LOC128706666: variants seen among roughly 807,000 people sequenced by gnomAD.
the LOC128706666 span, among the ~76,000 whole-genome samples, chr20:10,423,123 A>G: frequency 1.3e-5 from 2 of 151,834 alleles, no homozygotes; most frequent in South Asian, 2.1e-4. Flanking sequence ...AAACTCAAGG[A>G]AAAAAAACCC....
At chr20:10,413,737 A>T in the LOC128706666 span, 1 of 602,644 alleles carries the variant, frequency 1.7e-6, no homozygotes, top group Non-Finnish European at 2.9e-6. Flanking sequence ...ATTTTACTTC[A>T]CTCTTCAATA....
At chr20:10,428,475 G>A in the LOC128706666 span, among the ~76,000 whole-genome samples, 2 of 152,182 alleles carry the variant, frequency 1.3e-5, no homozygotes, top group East Asian at 1.9e-4. Flanking sequence ...TTGGCCAGAG[G>A]ACATTATAGC....
chr20:10,416,592 T>C, the LOC128706666 span, among the ~76,000 whole-genome samples: 1 of 152,184 alleles, frequency 6.6e-6, no homozygotes, highest in Non-Finnish European at 1.5e-5. Flanking sequence ...CTCATTATTA[T>C]AAAAACCAAT....
chr20:10,423,130 A>C, the LOC128706666 span, among the ~76,000 whole-genome samples: 2 of 152,082 alleles, frequency 1.3e-5, no homozygotes, highest in African/African-American at 2.4e-5. Context: ...AGGAAAAAAA[A>C]CCCTAGCTTA....
the LOC128706666 span, among the ~76,000 whole-genome samples, chr20:10,432,992 T>C: frequency 6.6e-6 from 1 of 152,170 alleles, no homozygotes; most frequent in Non-Finnish European, 1.5e-5. Flanking sequence ...AACCATCTTT[T>C]TTCCCCCAGA....
At chr20:10,432,150 A>G in the LOC128706666 span, among the ~76,000 whole-genome samples, 1 of 152,226 alleles carries the variant, frequency 6.6e-6, no homozygotes, top group Non-Finnish European at 1.5e-5. Context: ...CGACAGATCA[A>G]TCAAGGGGTA....
the LOC128706666 span, chr20:10,413,921 T>C: frequency 1.7e-5 from 7 of 414,534 alleles, no homozygotes; most frequent in Non-Finnish European, 2.6e-5. Flanking sequence ...GATTCAAAGC[T>C]GCTTCTTTAC....
the LOC128706666 span, among the ~76,000 whole-genome samples, chr20:10,429,432 C>T: frequency 0.48 from 72,765 of 152,002 alleles, 18,289 homozygotes; most frequent in Non-Finnish European, 0.56. Context: ...TGCATCCACT[C>T]TGGCTCTCAC....
the LOC128706666 span, among the ~76,000 whole-genome samples, chr20:10,427,029 G>GACACACACACACACACACACACACAC: frequency 2.8e-4 from 36 of 130,784 alleles, no homozygotes; most frequent in South Asian, 5.3e-4. Context: ...AGAAAACACT[G>GACACACACACACACACACACACACAC]ACACACACAC....
At chr20:10,414,234 C>G in the LOC128706666 span, among the ~76,000 whole-genome samples, 2 of 149,732 alleles carry the variant, frequency 1.3e-5, no homozygotes, top group African/African-American at 4.9e-5. Context: ...AGAAATGCTA[C>G]GATATAAAAC....
chr20:10,429,659 C>G, the LOC128706666 span, among the ~76,000 whole-genome samples: 51 of 152,198 alleles, frequency 3.4e-4, no homozygotes, highest in African/African-American at 1.2e-3. Flanking sequence ...CTGCCCTTTT[C>G]CTCATGCTCC....
chr20:10,421,963 A>G, the LOC128706666 span, among the ~76,000 whole-genome samples: 1 of 152,052 alleles, frequency 6.6e-6, no homozygotes, highest in African/African-American at 2.4e-5. Flanking sequence ...TGCATCTCTG[A>G]GTTTTAGTAC....
chr20:10,414,284 A>C, the LOC128706666 span, among the ~76,000 whole-genome samples: 1 of 97,960 alleles, frequency 1.0e-5, no homozygotes, highest in African/African-American at 4.7e-5. Context: ...TTTTTTTTTG[A>C]GATGGAGTTT....
chr20:10,433,819 G>T, the LOC128706666 span, among the ~76,000 whole-genome samples: 1 of 152,182 alleles, frequency 6.6e-6, no homozygotes, highest in African/African-American at 2.4e-5. Flanking sequence ...GGCAGCGCAG[G>T]TGGGAGCGTG....
the LOC128706666 span, among the ~76,000 whole-genome samples, chr20:10,428,929 CTG>C: frequency 1.3e-5 from 2 of 152,202 alleles, no homozygotes; most frequent in Non-Finnish European, 2.9e-5. Context: ...CCACTTTCTA[CTG>C]TGTCTTTGGG....
At chr20:10,429,903 G>T in the LOC128706666 span, among the ~76,000 whole-genome samples, 3 of 152,172 alleles carry the variant, frequency 2.0e-5, no homozygotes, top group Non-Finnish European at 2.9e-5. Flanking sequence ...AAACTCTAGG[G>T]TGGGGTCCAG....
the LOC128706666 span, among the ~76,000 whole-genome samples, chr20:10,433,100 C>A: frequency 6.6e-6 from 1 of 152,218 alleles, no homozygotes; most frequent in Non-Finnish European, 1.5e-5. Flanking sequence ...GCCTCCAGGG[C>A]TCAAGCGATT....
chr20:10,429,389 C>T, the LOC128706666 span, among the ~76,000 whole-genome samples: 2 of 152,130 alleles, frequency 1.3e-5, no homozygotes, highest in Admixed American at 6.5e-5. Context: ...GTTTCCTGGG[C>T]GGTCTCATTC....
the LOC128706666 span, among the ~76,000 whole-genome samples, chr20:10,416,544 A>G: frequency 6.6e-6 from 1 of 152,206 alleles, no homozygotes; most frequent in Non-Finnish European, 1.5e-5. Flanking sequence ...ACAGGTTCAT[A>G]CTAACACCAA....
Sources: gnomAD v4.1 joint callset for allele counts (sites outside exome capture counted in the v4.1 genomes callset) on GRCh38, gnomAD v4.1.1 for gene constraint, MANE v1.5 for transcripts.